PFKFB3: variants seen among roughly 807,000 people sequenced by gnomAD.
PFKFB3 encodes 6-phosphofructo-2-kinase/fructose-2,6-biphosphatase 3.
A neutral mutation model predicts 68.0 loss-of-function variants in PFKFB3; 33 were observed. The observed-to-expected ratio is 0.49, with a 90% CI of 0.37 to 0.65. The LOEUF (loss-of-function observed/expected upper bound fraction) is 0.65, where lower values mean the gene tolerates loss of function less well. Ranked by LOEUF, PFKFB3 falls within the 30% of genes least tolerant of loss-of-function variation. The pLI is 0.00. For synonymous variants in PFKFB3, 315 were observed against 288.2 expected, an observed-to-expected ratio of 1.09 and a Z score of -0.94; for missense variants, 586 against 712.2, an observed-to-expected ratio of 0.82 and a Z score of 2.02.
chr10:6,318,937 C>T, the PFKFB3 span, among the ~76,000 whole-genome samples: 3 of 152,066 alleles, frequency 2.0e-5, no homozygotes, highest in Admixed American at 2.0e-4. Context: ...GGGTCTGGTC[C>T]GAAGCCTGGC....
chr10:6,325,100 GT>G, the PFKFB3 span, among the ~76,000 whole-genome samples: 1 of 152,004 alleles, frequency 6.6e-6, no homozygotes. Flanking sequence ...AGTAGCTGGG[GT>G]TACAGGCGCC....
chr10:6,239,653 A>G (rs921905181), downstream of PFKFB3, among the ~76,000 whole-genome samples: 1 of 152,106 alleles, frequency 6.6e-6, no homozygotes, highest in Non-Finnish European at 1.5e-5. Flanking sequence ...GGGATTTCCT[A>G]TTCCTGGAGA....
chr10:6,263,960 A>G, the PFKFB3 span, among the ~76,000 whole-genome samples: 1 of 152,258 alleles, frequency 6.6e-6, no homozygotes, highest in African/African-American at 2.4e-5. Flanking sequence ...TGCTAGGATT[A>G]CAGGCGTGAG....
upstream of PFKFB3, among the ~76,000 whole-genome samples, chr10:6,199,862 A>T (rs1275228983): frequency 1.3e-5 from 2 of 151,288 alleles, no homozygotes; most frequent in Non-Finnish European, 2.9e-5. Flanking sequence ...TCCTTCTCTG[A>T]CCTTTCCTTC....
At chr10:6,320,496 G>C in the PFKFB3 span, among the ~76,000 whole-genome samples, 1 of 151,818 alleles carries the variant, frequency 6.6e-6, no homozygotes, top group African/African-American at 2.4e-5. Context: ...CTGTTACCCA[G>C]GTGAAAGGGC....
chr10:6,189,058 C>G lies in PFKFB3; in HGVS notation c.17-24565C>G, dbSNP rs1441065232. Among the ~76,000 whole-genome samples, 3 of 152,110 alleles carry G rather than the reference C, an allele frequency of 2.0e-5. No homozygotes were observed. In the East Asian group the frequency reaches 5.8e-4, roughly 29 times the overall value. On this transcript the variant is annotated intron_variant, in intron 1 of 14. Coordinates refer to the PFKFB3 transcript ENST00000379789. The stretch of plus-strand genomic sequence containing the variant: ...GTTTCACTGTGTTAGCCAGGATGGT[C>G]TCGATCTCCTGACCTCGTGATCCGC...
intron 1 of PFKFB3, among the ~76,000 whole-genome samples, chr10:6,155,415 A>G (rs1054860069): frequency 2.0e-5 from 3 of 152,034 alleles, no homozygotes; most frequent in Non-Finnish European, 4.4e-5. Context: ...CATGTTAGCC[A>G]GGATGGTCTC....
chr10:6,241,890 G>A (rs1846149975), intron 14 of PFKFB3, among the ~76,000 whole-genome samples: 1 of 149,994 alleles, frequency 6.7e-6, no homozygotes. Flanking sequence ...CTGTCACCCA[G>A]GCTGGAGTGC....
At chr10:6,207,041 C>T (rs1221419191) in intron 1 of PFKFB3, among the ~76,000 whole-genome samples, 2 of 151,096 alleles carry the variant, frequency 1.3e-5, no homozygotes, top group Non-Finnish European at 1.5e-5. Flanking sequence ...GGGGTGGCGG[C>T]CGGGCAGAGG....
chr10:6,279,792 G>T, the PFKFB3 span, among the ~76,000 whole-genome samples: 1 of 152,170 alleles, frequency 6.6e-6, no homozygotes, highest in African/African-American at 2.4e-5. Context: ...CATAAATGAG[G>T]CTGGAGTCAT....
intron 1 of PFKFB3, among the ~76,000 whole-genome samples, chr10:6,157,799 A>C (rs1841853012): frequency 6.6e-6 from 1 of 152,190 alleles, no homozygotes; most frequent in Non-Finnish European, 1.5e-5. Flanking sequence ...GGATTTCTTA[A>C]CCTTCTAAAA....
intron 1 of PFKFB3, among the ~76,000 whole-genome samples, chr10:6,211,934 C>T (rs1844256870): frequency 6.6e-6 from 1 of 152,228 alleles, no homozygotes; most frequent in Admixed American, 6.5e-5. Flanking sequence ...TGGACATTGA[C>T]TTCAGTTTGG....
At position 6,252,551 on chromosome 10, in the gene PFKFB3, G is replaced by A. The variant is rs145957898; in HGVS notation, c.1516-1627G>A. Among the ~76,000 whole-genome samples, 458 of 152,208 alleles carry A rather than the reference G, an allele frequency of 3.0e-3. 2 individuals are homozygous for A. Among genetic ancestry groups the A allele is most frequent in the African/African-American group, 0.01 (436 of 41,526 alleles). On this transcript the variant is annotated intron_variant, in intron 14 of 14. Coordinates refer to the PFKFB3 transcript ENST00000640683. ...ATTGAAATACCTTATTTACATAGAA[G>A]AATGAGATATATATAATACGCACAT...
chr10:6,257,184 T>C (rs1221692703), downstream of PFKFB3, among the ~76,000 whole-genome samples: 2 of 152,186 alleles, frequency 1.3e-5, no homozygotes, highest in Non-Finnish European at 2.9e-5. Flanking sequence ...CACTGCTGTG[T>C]GAGACCCCAG....
chr10:6,226,896 G>A (rs1368475683), intron 14 of PFKFB3, among the ~76,000 whole-genome samples: 3 of 152,176 alleles, frequency 2.0e-5, no homozygotes, highest in South Asian at 2.1e-4. Flanking sequence ...GACCAGCCTG[G>A]CCAACATGGC....
At chr10:6,176,259 G>A (rs1275849136) in intron 1 of PFKFB3, among the ~76,000 whole-genome samples, 1 of 152,206 alleles carries the variant, frequency 6.6e-6, no homozygotes, top group African/African-American at 2.4e-5. Flanking sequence ...TGTATCCGAT[G>A]TCAAGACATG....
the PFKFB3 span, among the ~76,000 whole-genome samples, chr10:6,275,974 T>C: frequency 6.6e-6 from 1 of 152,192 alleles, no homozygotes; most frequent in African/African-American, 2.4e-5. This position sits in a 1 kb window ranked among gnomAD's most constrained non-coding sequence, Gnocchi z 4.9. Flanking sequence ...TTCCTCGAAA[T>C]ATGCTTGCTA....
the PFKFB3 span, among the ~76,000 whole-genome samples, chr10:6,300,975 T>G: frequency 6.6e-6 from 1 of 152,144 alleles, no homozygotes; most frequent in Non-Finnish European, 1.5e-5. Flanking sequence ...TCCAGCAAGG[T>G]GGGAGGACAC....
intron 1 of PFKFB3, among the ~76,000 whole-genome samples, chr10:6,160,145 A>G (rs1437155304): frequency 6.6e-6 from 1 of 152,248 alleles, no homozygotes; most frequent in African/African-American, 2.4e-5. Flanking sequence ...ATGTATTTTT[A>G]CAAGATTCAG....
Sources: allele counts gnomAD v4.1 joint callset (sites outside exome capture counted in the v4.1 genomes callset), GRCh38; gene constraint gnomAD v4.1.1; non-coding constraint Gnocchi (gnomAD v3.1); transcripts MANE v1.5; gene names NCBI Gene and HGNC (gene_info 2026-07-23, HGNC 2026-07-21).